The following PPP1R9A variants were observed in gnomAD, a reference collection of about 807,000 sequenced individuals.
PPP1R9A encodes neurabin-1.
Under a neutral mutation model 141.9 loss-of-function variants are expected in PPP1R9A, and 59 were observed. The observed-to-expected ratio is 0.42, with a 90% CI of 0.34 to 0.52. The LOEUF is 0.52. Ranked by LOEUF, PPP1R9A falls within the 20% of genes least tolerant of loss-of-function variation. The pLI, the probability that PPP1R9A is intolerant of heterozygous loss-of-function variation, is 0.10. For missense variants in PPP1R9A, 1,444 were observed against 1,611.9 expected (o/e 0.90, Z 1.78); for synonymous variants, 500 against 569.7 (o/e 0.88, Z 1.74).
chr7:95,167,111 G>A (rs561179334), intron 5 of PPP1R9A, among the ~76,000 whole-genome samples: 1 of 152,104 alleles, frequency 6.6e-6, no homozygotes, highest in South Asian at 2.1e-4. Flanking sequence ...CATGTGGCTG[G>A]GGGAGGCCTC....
chr7:95,182,964 G>T (rs1323569544), intron 5 of PPP1R9A, among the ~76,000 whole-genome samples: 1 of 152,022 alleles, frequency 6.6e-6, no homozygotes, highest in African/African-American at 2.4e-5. Context: ...AAGACATCAA[G>T]GCTAACTACT....
intron 2 of PPP1R9A, among the ~76,000 whole-genome samples, chr7:94,977,764 CTT>C (rs370362125): frequency 1.7e-4 from 22 of 131,290 alleles, no homozygotes; most frequent in Admixed American, 3.1e-4. Context: ...TTTTCATTTT[CTT>C]TTTTTTTTTT....
intron 2 of PPP1R9A, among the ~76,000 whole-genome samples, chr7:95,100,349 T>A (rs770487206): frequency 6.6e-6 from 1 of 152,198 alleles, no homozygotes; most frequent in Non-Finnish European, 1.5e-5. Context: ...AAATACATAC[T>A]TGATTTTATC....
intron 2 of PPP1R9A, among the ~76,000 whole-genome samples, chr7:94,945,741 C>A (rs1795826117): frequency 6.6e-6 from 1 of 151,930 alleles, no homozygotes; most frequent in African/African-American, 2.4e-5. Flanking sequence ...TAAAGATTTT[C>A]TTACTGATCT....
chr7:95,018,955 A>G (rs1805494859), intron 2 of PPP1R9A, among the ~76,000 whole-genome samples: 1 of 152,234 alleles, frequency 6.6e-6, no homozygotes, highest in Non-Finnish European at 1.5e-5. Flanking sequence ...GGTAATTAAA[A>G]GGGAAAAGGA....
intron 2 of PPP1R9A, among the ~76,000 whole-genome samples, chr7:94,939,030 T>G (rs116730627): frequency 0.013 from 2,054 of 152,168 alleles, 51 homozygotes; most frequent in African/African-American, 0.047. Context: ...TGTTTACTGG[T>G]ATAGAGATGC....
chr7:94,959,449 A>T (rs979635377), intron 2 of PPP1R9A, among the ~76,000 whole-genome samples: 6 of 151,758 alleles, frequency 4.0e-5, no homozygotes, highest in South Asian at 2.1e-4. Flanking sequence ...AAGTATATCA[A>T]ATTTTAAACA....
chr7:94,974,888 T>C (rs1799258940), intron 2 of PPP1R9A, among the ~76,000 whole-genome samples: 1 of 152,172 alleles, frequency 6.6e-6, no homozygotes, highest in South Asian at 2.1e-4. Flanking sequence ...TGAGGAAATA[T>C]AGACACCATA....
chr7:95,248,200 T>TTTTTTTTTTTTTTTTTTGAG (rs1554582152), intron 9 of PPP1R9A, among the ~76,000 whole-genome samples: 4 of 112,856 alleles, frequency 3.5e-5, no homozygotes, highest in African/African-American at 1.1e-4. Context: ...AAATATATTT[T>TTTTTTTTTTTTTTTTTTGAG]AAATTACTTT....
At chr7:95,164,749 T>C (rs1002223554) in intron 5 of PPP1R9A, among the ~76,000 whole-genome samples, 1 of 146,902 alleles carries the variant, frequency 6.8e-6, no homozygotes, top group African/African-American at 2.5e-5. Flanking sequence ...TTCTTTTTTT[T>C]TTTTTTTTTT....
chr7:95,054,456 G>A (rs1051746045), intron 2 of PPP1R9A, among the ~76,000 whole-genome samples: 3 of 151,886 alleles, frequency 2.0e-5, no homozygotes, highest in Non-Finnish European at 2.9e-5. Flanking sequence ...TATCATTACC[G>A]TACATTGTCT....
intron 2 of PPP1R9A, among the ~76,000 whole-genome samples, chr7:94,936,143 A>G (rs1340569694): frequency 6.6e-6 from 1 of 152,160 alleles, no homozygotes; most frequent in Non-Finnish European, 1.5e-5. Context: ...CAGAGAAGAC[A>G]ATGGACTTGG....
chr7:95,096,662 CTG>C (rs1313333499), intron 2 of PPP1R9A, among the ~76,000 whole-genome samples: 1 of 152,180 alleles, frequency 6.6e-6, no homozygotes, highest in Non-Finnish European at 1.5e-5. Context: ...CTCACAAAAA[CTG>C]TGTCCCAGAG....
intron 6 of PPP1R9A, 54 bp from the exon 7 acceptor site, chr7:95,203,611 G>T: frequency 6.1e-6 from 8 of 1,319,696 alleles, no homozygotes; most frequent in Non-Finnish European, 8.4e-6. Context: ...TTATCAGGCT[G>T]CTCTCTGCGG....
chr7:94,985,714 T>C (rs559853614), intron 2 of PPP1R9A, among the ~76,000 whole-genome samples: 1 of 152,316 alleles, frequency 6.6e-6, no homozygotes, highest in East Asian at 1.9e-4. Flanking sequence ...ATTTTGAGCC[T>C]GTGTGTGTCT....
intron 4 of PPP1R9A, among the ~76,000 whole-genome samples, chr7:95,124,192 T>A (rs1162260403): frequency 6.6e-6 from 1 of 152,178 alleles, no homozygotes; most frequent in African/African-American, 2.4e-5. Context: ...TGTTTACTGA[T>A]GTTTACTATT....
chr7:95,171,341 G>GA (rs1015322985), intron 5 of PPP1R9A, among the ~76,000 whole-genome samples: 21 of 151,632 alleles, frequency 1.4e-4, no homozygotes, highest in South Asian at 8.3e-4. Flanking sequence ...TAACAGGATA[G>GA]AAAAAATGTG....
At chr7:95,243,670 G>A (rs1797755274) in intron 8 of PPP1R9A, among the ~76,000 whole-genome samples, 1 of 152,142 alleles carries the variant, frequency 6.6e-6, no homozygotes, top group Admixed American at 6.5e-5. Context: ...GGTAGGAAGA[G>A]TCAAATCTGG....
chr7:94,992,675 G>A (rs1584160956), intron 2 of PPP1R9A, among the ~76,000 whole-genome samples: 2 of 152,168 alleles, frequency 1.3e-5, no homozygotes, highest in Non-Finnish European at 2.9e-5. Flanking sequence ...TAATAGATAT[G>A]TAGTAGAATG....
Sources: allele counts gnomAD v4.1 joint callset (sites outside exome capture counted in the v4.1 genomes callset), GRCh38; gene constraint gnomAD v4.1.1; transcripts MANE v1.5; gene names NCBI Gene and HGNC (gene_info 2026-07-23, HGNC 2026-07-21).